AGBL1: variants seen among roughly 807,000 people sequenced by gnomAD.
The protein encoded by AGBL1 is cytosolic carboxypeptidase 4.
In AGBL1, 130 loss-of-function variants were observed where a neutral mutation model predicts 118.9. The ratio of observed to expected loss-of-function variants is 1.09; its 90% CI spans 0.95 to 1.26. AGBL1 has a LOEUF of 1.26. AGBL1 is among the 50% of genes most tolerant of loss of function. The probability of loss-of-function intolerance (pLI) is 0.00; values close to 1 mark genes in which losing one functional copy is unlikely to be tolerated. For synonymous variants in AGBL1, 555 were observed against 478.9 expected, an observed-to-expected ratio of 1.16 and a Z score of -2.08; for missense variants, 1,584 against 1,298.1, an observed-to-expected ratio of 1.22 and a Z score of -3.38.
chr15:86,767,056 A>G (rs1320073659), intron 22 of AGBL1, among the ~76,000 whole-genome samples: 1 of 152,056 alleles, frequency 6.6e-6, no homozygotes, highest in Non-Finnish European at 1.5e-5. Context: ...AGAATTAATG[A>G]TGAGGTATTC....
At chr15:86,093,544 T>G (rs1712641998) in intron 1 of AGBL1, among the ~76,000 whole-genome samples, 1 of 152,148 alleles carries the variant, frequency 6.6e-6, no homozygotes, top group African/African-American at 2.4e-5. Context: ...TTTTTGACAG[T>G]GAACTACAAT....
At chr15:86,821,302 T>C (rs889395383) in intron 22 of AGBL1, among the ~76,000 whole-genome samples, 5 of 152,178 alleles carry the variant, frequency 3.3e-5, no homozygotes, top group African/African-American at 2.4e-5. Context: ...GTTCTGCACA[T>C]GTATTCCAGA....
intron 21 of AGBL1, among the ~76,000 whole-genome samples, chr15:86,557,833 A>G (rs2142278383): frequency 6.6e-6 from 1 of 152,296 alleles, no homozygotes; most frequent in Middle Eastern, 3.4e-3. Context: ...GAACAAGTAA[A>G]TAAATGGCAA....
chr15:86,414,586 G>A (rs981916638), intron 18 of AGBL1, among the ~76,000 whole-genome samples: 2 of 152,046 alleles, frequency 1.3e-5, no homozygotes, highest in African/African-American at 4.8e-5. Context: ...AAACAATTTT[G>A]GGTAAACAAA....
chr15:86,313,484 T>C (rs1447312621), intron 17 of AGBL1, among the ~76,000 whole-genome samples: 2 of 152,232 alleles, frequency 1.3e-5, no homozygotes, highest in Admixed American at 1.3e-4. Flanking sequence ...AATAACAATT[T>C]CTAATTCACA....
intron 17 of AGBL1, among the ~76,000 whole-genome samples, chr15:86,384,313 G>A (rs945785437): frequency 4.6e-5 from 7 of 152,124 alleles, no homozygotes; most frequent in South Asian, 4.1e-4. Context: ...AGCTAGTAGC[G>A]TGGGATACAA....
chr15:86,139,399 A>G (rs1166509507), intron 1 of AGBL1, among the ~76,000 whole-genome samples: 1 of 152,172 alleles, frequency 6.6e-6, no homozygotes, highest in East Asian at 1.9e-4. Context: ...GATTCTCTTG[A>G]GAAAAGGAGG....
chr15:86,342,599 A>T (rs1028571109), intron 17 of AGBL1, among the ~76,000 whole-genome samples: 1 of 152,198 alleles, frequency 6.6e-6, no homozygotes, highest in Non-Finnish European at 1.5e-5. Flanking sequence ...ATTAAAAGAA[A>T]CAGAGGGACA....
intron 22 of AGBL1, among the ~76,000 whole-genome samples, chr15:86,750,283 T>C (rs2077828479): frequency 6.6e-6 from 1 of 152,088 alleles, no homozygotes; most frequent in Non-Finnish European, 1.5e-5. Flanking sequence ...ATTTAAAAAT[T>C]AACACATAGT....
intron 1 of AGBL1, among the ~76,000 whole-genome samples, chr15:86,114,196 A>G (rs796261613): frequency 1.3e-5 from 2 of 152,328 alleles, no homozygotes; most frequent in African/African-American, 4.8e-5. Context: ...CATGTTTGCC[A>G]TTTTCCCATT....
intron 21 of AGBL1, among the ~76,000 whole-genome samples, chr15:86,592,654 C>T (rs925562718): frequency 2.0e-5 from 3 of 152,092 alleles, no homozygotes; most frequent in East Asian, 1.9e-4. Context: ...AGAGGAAGGT[C>T]GCATAACAGT....
At chr15:86,492,390 G>C (rs377537152) in intron 18 of AGBL1, among the ~76,000 whole-genome samples, 1 of 152,006 alleles carries the variant, frequency 6.6e-6, no homozygotes, top group African/African-American at 2.4e-5. Flanking sequence ...AGGAGTTCAA[G>C]ACCAGTGTGG....
chr15:86,313,189 A>G (rs1416326156), intron 17 of AGBL1, among the ~76,000 whole-genome samples: 1 of 152,106 alleles, frequency 6.6e-6, no homozygotes, highest in Non-Finnish European at 1.5e-5. Flanking sequence ...TTATCTCAAT[A>G]TTTTGCAGGA....
chr15:86,974,059 T>TA (rs546865750), intron 23 of AGBL1, among the ~76,000 whole-genome samples: 30 of 93,474 alleles, frequency 3.2e-4, no homozygotes, highest in African/African-American at 7.5e-4. Context: ...AATATAAACA[T>TA]TTTAATATAT....
chr15:86,331,414 CT>C (rs57132672), intron 17 of AGBL1, among the ~76,000 whole-genome samples: 116,700 of 151,944 alleles, frequency 0.77, 45,588 homozygotes, highest in African/African-American at 0.83. Flanking sequence ...CCTAATCTTA[CT>C]TAGAGAGGTA....
chr15:86,169,269 G>A (rs970705809), intron 5 of AGBL1, among the ~76,000 whole-genome samples: 1 of 152,182 alleles, frequency 6.6e-6, no homozygotes, highest in Non-Finnish European at 1.5e-5. Flanking sequence ...ATTACCCTCA[G>A]GTATTTAGCT....
Position 86,279,828 on chromosome 15 carries a change from T to C in AGBL1, c.2220+45T>C, listed in dbSNP as rs758417252. 1.6e-5 allele frequency: 25 copies of C among 1,600,158 alleles called. No homozygotes were observed. The Admixed American group carries it at 2.8e-4, about 18-fold the overall frequency. ...ATCACTCCAGCAGGACTGAAGGGGC[T>C]CTCTGAGGTTTTCCTGGGAACATTT... On this transcript the variant is annotated intron_variant, in intron 16 of 22. Transcript: ENST00000614907.
chr15:86,546,269 G>C, intron 20 of AGBL1, 136 bp downstream of exon 20: 1 of 1,068,140 alleles, frequency 9.4e-7, no homozygotes, highest in South Asian at 2.7e-5. Flanking sequence ...CTAACCATAG[G>C]ATTGTAATAC....
chr15:86,258,186 A>G (rs2078927410), intron 9 of AGBL1, among the ~76,000 whole-genome samples, 155 bp downstream of exon 9: 1 of 152,098 alleles, frequency 6.6e-6, no homozygotes, highest in Admixed American at 6.6e-5. Context: ...AATGATAGCT[A>G]CTGTTATTGA....
Sources: allele counts gnomAD v4.1 joint callset (sites outside exome capture counted in the v4.1 genomes callset), GRCh38; gene constraint gnomAD v4.1.1; transcripts MANE v1.5; gene names NCBI Gene and HGNC (gene_info 2026-07-23, HGNC 2026-07-21).